PTPRM: variants seen among roughly 807,000 people sequenced by gnomAD.
The protein encoded by PTPRM is protein tyrosine phosphatase receptor type M, also known as receptor-type tyrosine-protein phosphatase mu.
A neutral mutation model predicts 186.7 loss-of-function variants in PTPRM; 47 were observed. The ratio of observed to expected loss-of-function variants is 0.25; its 90% CI spans 0.20 to 0.32. PTPRM has a LOEUF of 0.32. Among genes scored for constraint, PTPRM ranks in the 10% least tolerant of loss-of-function variants. The pLI, the probability that PTPRM is intolerant of heterozygous loss-of-function variation, is 1.00. For missense variants in PTPRM, 1,494 were observed against 1,865.0 expected (o/e 0.80, Z 3.66); for synonymous variants, 668 against 674.9 (o/e 0.99, Z 0.16).
At chr18:8,175,240 C>T (rs1008483708) in intron 14 of PTPRM, among the ~76,000 whole-genome samples, 9 of 152,092 alleles carry the variant, frequency 5.9e-5, no homozygotes, top group African/African-American at 1.7e-4. Flanking sequence ...GGTTCTTATG[C>T]CATAGTCAAG....
intron 22 of PTPRM, among the ~76,000 whole-genome samples, chr18:8,328,742 A>G (rs2095394018): frequency 6.6e-6 from 1 of 152,252 alleles, no homozygotes; most frequent in African/African-American, 2.4e-5. Flanking sequence ...CCCTGCCTGC[A>G]TTTTACCAAC....
intron 24 of PTPRM, among the ~76,000 whole-genome samples, chr18:8,373,528 G>A (rs993171774): frequency 1.3e-5 from 2 of 152,108 alleles, no homozygotes; most frequent in Middle Eastern, 3.2e-3. Flanking sequence ...GACTATTCTG[G>A]GAGAAACAAA....
intron 2 of PTPRM, among the ~76,000 whole-genome samples, chr18:7,829,170 G>T (rs1360729760): frequency 6.6e-6 from 1 of 152,148 alleles, no homozygotes; most frequent in Non-Finnish European, 1.5e-5. Context: ...ATATAATTGT[G>T]ACATATTTAT....
chr18:7,861,201 TATG>T (rs2047362862), intron 2 of PTPRM, among the ~76,000 whole-genome samples: 1 of 152,202 alleles, frequency 6.6e-6, no homozygotes, highest in Admixed American at 6.5e-5. Flanking sequence ...TGGCTGAATG[TATG>T]ATGTTTCAAC....
chr18:8,087,618 G>C (rs911337969), intron 10 of PTPRM, among the ~76,000 whole-genome samples: 1 of 152,020 alleles, frequency 6.6e-6, no homozygotes, highest in Admixed American at 6.6e-5. Context: ...TACAGGTCCT[G>C]TTTTCAATTT....
chr18:7,950,033 T>A (rs1343180968), intron 6 of PTPRM, among the ~76,000 whole-genome samples: 2 of 152,102 alleles, frequency 1.3e-5, no homozygotes, highest in Non-Finnish European at 2.9e-5. Flanking sequence ...CATGAGGCAT[T>A]TTTAGACAAC....
At chr18:7,657,220 C>G (rs2038871764) in intron 1 of PTPRM, among the ~76,000 whole-genome samples, 1 of 152,176 alleles carries the variant, frequency 6.6e-6, no homozygotes, top group East Asian at 1.9e-4. Flanking sequence ...GCTCTGTGTG[C>G]TGCTATTTCT....
rs149558616 is a variant in PTPRM, at chr18:8,262,979, G to A, written c.2754+9565G>A. Among the ~76,000 whole-genome samples, 766 of 152,274 alleles carry A rather than the reference G, an allele frequency of 5.0e-3. 3 individuals are homozygous for A. Among genetic ancestry groups the A allele is most frequent in the African/African-American group, 0.017 (714 of 41,552 alleles). On this transcript the variant is annotated intron_variant, in intron 19 of 32. Transcript: ENST00000580170. ...TCATATAGGATCGGGTGGGCTAGGG[G>A]TATCCAGTCAGAAAAACTGTATGGA...
At chr18:8,382,063 A>G (rs2095740335) in intron 29 of PTPRM, among the ~76,000 whole-genome samples, 2 of 152,278 alleles carry the variant, frequency 1.3e-5, no homozygotes, top group South Asian at 4.1e-4. Flanking sequence ...GACAGAGCTG[A>G]TTTTCAGAGT....
At chr18:8,402,608 A>G (rs1236461814) in intron 32 of PTPRM, among the ~76,000 whole-genome samples, 3 of 152,208 alleles carry the variant, frequency 2.0e-5, no homozygotes, top group African/African-American at 7.2e-5. Context: ...GACCGTGTAG[A>G]TTTCCATTAC....
chr18:7,632,085 G>T (rs1459553749), intron 1 of PTPRM, among the ~76,000 whole-genome samples: 4 of 152,208 alleles, frequency 2.6e-5, no homozygotes, highest in Non-Finnish European at 5.9e-5. Flanking sequence ...TAAGTAGGAA[G>T]CCAAGTTAGA....
chr18:8,091,609 A>G (rs958375710), intron 11 of PTPRM, among the ~76,000 whole-genome samples: 7 of 148,392 alleles, frequency 4.7e-5, no homozygotes, highest in Admixed American at 2.0e-4. Flanking sequence ...TTTTTTGCAG[A>G]AAAGTGAATG....
intron 7 of PTPRM, among the ~76,000 whole-genome samples, chr18:7,962,842 C>T (rs911749801): frequency 6.6e-6 from 1 of 152,210 alleles, no homozygotes. Context: ...AGAATTATCA[C>T]TGGCATTGCA....
chr18:8,304,715 G>A (rs903827193), intron 20 of PTPRM, among the ~76,000 whole-genome samples: 9 of 151,868 alleles, frequency 5.9e-5, no homozygotes, highest in South Asian at 4.2e-4. Flanking sequence ...GAAAACTTGG[G>A]GAACATATCC....
chr18:7,863,363 C>T lies in PTPRM; in HGVS notation c.197-24743C>T, dbSNP rs978716331. Among the ~76,000 whole-genome samples, 4 of 152,138 alleles carry T rather than the reference C, an allele frequency of 2.6e-5. No individual in the cohort carries two copies. In the East Asian group the frequency reaches 5.8e-4, roughly 22 times the overall value. The stretch of plus-strand genomic sequence containing the variant: ...TATCCCTCCCCCAGCCCCTCACCCC[C>T]GACAGGCCCTGGAGTGTGATGTTCC... On this transcript the variant is annotated intron_variant, in intron 2 of 32. Transcript: ENST00000580170.
intron 23 of PTPRM, among the ~76,000 whole-genome samples, chr18:8,366,219 T>G (rs977435015): frequency 1.3e-5 from 2 of 152,184 alleles, no homozygotes; most frequent in Non-Finnish European, 2.9e-5. Flanking sequence ...CAAACTCCAG[T>G]GAGCCCCTCA....
At chr18:7,576,268 C>G (rs539136246) in intron 1 of PTPRM, among the ~76,000 whole-genome samples, 1 of 152,164 alleles carries the variant, frequency 6.6e-6, no homozygotes, top group African/African-American at 2.4e-5. Context: ...ATTTTAATCT[C>G]TCTTTCTATT....
intron 14 of PTPRM, among the ~76,000 whole-genome samples, chr18:8,166,065 G>T (rs564590498): frequency 2.0e-5 from 3 of 152,298 alleles, no homozygotes; most frequent in African/African-American, 7.2e-5. Context: ...GCTTGATCAT[G>T]TTTGTCTCTC....
At chr18:7,701,671 C>CA (rs1475055306) in intron 1 of PTPRM, among the ~76,000 whole-genome samples, 1 of 151,884 alleles carries the variant, frequency 6.6e-6, no homozygotes, top group Non-Finnish European at 1.5e-5. Flanking sequence ...AGATAATAAG[C>CA]AGGTAAGTAT....
Sources: allele counts gnomAD v4.1 joint callset (sites outside exome capture counted in the v4.1 genomes callset), GRCh38; gene constraint gnomAD v4.1.1; transcripts MANE v1.5; gene names NCBI Gene and HGNC (gene_info 2026-07-23, HGNC 2026-07-21).